GNB5: variants seen among roughly 807,000 people sequenced by gnomAD.
GNB5 encodes the protein guanine nucleotide-binding protein subunit beta-5.
In GNB5, 37 loss-of-function variants were observed where a neutral mutation model predicts 55.3. The observed-to-expected ratio is 0.67, with a 90% CI of 0.51 to 0.88. GNB5 has a LOEUF of 0.88. GNB5 is among the 40% of genes least tolerant of loss of function. GNB5 has a pLI of 0.00. For missense variants in GNB5, 476 were observed against 515.3 expected (o/e 0.92, Z 0.74); for synonymous variants, 219 against 198.5 (o/e 1.10, Z -0.87).
rs2033203394 is a variant in GNB5 at position 52,119,172 on chromosome 15, G to A, written c.*3585C>T. The A allele has an allele frequency of 7.1e-6, 1 of 141,836 alleles. No homozygotes were observed. The highest frequency in any genetic ancestry group is 1.5e-5 in the Non-Finnish European group (1 of 65,696). 8.8% of individuals were successfully genotyped at this position (141,836 alleles called of 1,614,324 possible). On this transcript the variant is annotated 3_prime_UTR_variant, in exon 13 of 13. Coordinates refer to ENST00000261837, the MANE Select transcript of GNB5 (RefSeq NM_016194.4). ...GTGGAACAGGGAGACAGAGGAAGAG[G>A]AGATGAGGAATGGGGGAAGATTGAG... is the stretch of plus-strand genomic sequence containing the variant.
At chr15:52,184,810 A>G in intron 1 of GNB5, 116 bp from the exon 2 acceptor site, 1 of 691,352 alleles carries the variant, frequency 1.4e-6, no homozygotes, top group Non-Finnish European at 2.4e-6. Context: ...TGTGGGATAG[A>G]GTATATGCAG....
At chr15:52,135,952 A>G (rs916274813) in intron 7 of GNB5, 196 bp from the exon 8 acceptor site, 1 of 551,702 alleles carries the variant, frequency 1.8e-6, no homozygotes, top group East Asian at 3.4e-5. Context: ...AAAGAAGGAA[A>G]GAGTGCATTT....
intron 7 of GNB5, chr15:52,138,725 T>G (rs1222729084): frequency 2.0e-5 from 3 of 152,198 alleles, no homozygotes; most frequent in Non-Finnish European, 1.5e-5. Context: ...CAGTTTATTT[T>G]GAGACACCAG....
At chr15:52,186,533 G>A (rs990281342) in intron 1 of GNB5, among the ~76,000 whole-genome samples, 1 of 152,170 alleles carries the variant, frequency 6.6e-6, no homozygotes, top group Non-Finnish European at 1.5e-5. Context: ...AGATTTCTTT[G>A]GGAGACCGAG....
chr15:52,165,041 A>G (rs2034423118), intron 3 of GNB5, among the ~76,000 whole-genome samples: 1 of 152,250 alleles, frequency 6.6e-6, no homozygotes, highest in Non-Finnish European at 1.5e-5. Context: ...GCTGAAAGAT[A>G]CAACATAAGA....
rs1015331775 is a variant in GNB5 at position 52,137,961 on chromosome 15, G to C, written c.628-2205C>G. The C allele has an allele frequency of 3.9e-5, 50 of 1,286,954 alleles. 1 individual carries two copies. The highest frequency in any genetic ancestry group is 1.8e-4 in the Admixed American group (8 of 43,530). The allele number at this position is 1,286,954 out of a possible 1,614,324, so 79.7% of individuals were successfully genotyped here. On this transcript the variant is annotated intron_variant, in intron 7 of 12. Transcript: ENST00000261837. ...TACTGATGGCTGAGGAAAGAAAAGAGGAATCAGGCCTTATGCACCGCTAGC... is the reference window on the plus strand; with the variant it reads ...TACTGATGGCTGAGGAAAGAAAAGACGAATCAGGCCTTATGCACCGCTAGC...
At chr15:52,187,380 A>T (rs1365541794) in intron 1 of GNB5, among the ~76,000 whole-genome samples, 1 of 152,020 alleles carries the variant, frequency 6.6e-6, no homozygotes, top group Admixed American at 6.5e-5. Context: ...GAGAGAAGGG[A>T]CGGCAGGAAA....
chr15:52,185,291 G>A (rs1484936582), intron 1 of GNB5, among the ~76,000 whole-genome samples: 1 of 152,248 alleles, frequency 6.6e-6, no homozygotes, highest in African/African-American at 2.4e-5. Context: ...ACAGGGACAG[G>A]CTCTGGCTGC....
intron 4 of GNB5, among the ~76,000 whole-genome samples, chr15:52,150,561 C>T (rs1208184207): frequency 6.6e-6 from 1 of 152,188 alleles, no homozygotes; most frequent in Non-Finnish European, 1.5e-5. Flanking sequence ...GAACAACATG[C>T]GATATGCACC....
At position 52,175,591 on chromosome 15, in the gene GNB5, T is replaced by C. The variant is rs1189701959; in HGVS notation, c.238+4177A>G. Among the ~76,000 whole-genome samples the C allele has an allele frequency of 1.1e-4, 16 of 151,690 alleles. 1 individual carries two copies. Among genetic ancestry groups the C allele is most frequent in the Non-Finnish European group, 2.9e-5 (2 of 67,924 alleles). On this transcript the variant is annotated intron_variant, in intron 3 of 12. Transcript: ENST00000261837. ...CGGTCTCCACTAAAAATACAAAAAT[T>C]AGCCAGGCATGGTGGCACATGCCTG...
At chr15:52,127,796 A>G (rs147125001) in intron 10 of GNB5, among the ~76,000 whole-genome samples, 3 of 146,724 alleles carry the variant, frequency 2.0e-5, no homozygotes, top group Non-Finnish European at 4.4e-5. Context: ...AAAAACACTT[A>G]TAGTAGTGTT....
At chr15:52,151,008 G>C (rs1440859306) in intron 4 of GNB5, among the ~76,000 whole-genome samples, 1 of 152,232 alleles carries the variant, frequency 6.6e-6, no homozygotes, top group South Asian at 2.1e-4. Flanking sequence ...ATAGCTGCTT[G>C]CTTTGCATGA....
chr15:52,132,201 A>G (rs1474038560), intron 9 of GNB5, among the ~76,000 whole-genome samples: 2 of 152,196 alleles, frequency 1.3e-5, no homozygotes, highest in Admixed American at 6.5e-5. Flanking sequence ...GGCTACTGCC[A>G]TTGCTGTGAG....
intron 2 of GNB5, among the ~76,000 whole-genome samples, chr15:52,182,867 G>A (rs1050841238): frequency 1.5e-4 from 23 of 152,196 alleles, no homozygotes; most frequent in African/African-American, 5.5e-4. Flanking sequence ...GTAAGATTGT[G>A]TGGGCCGGGC....
chr15:52,187,301 G>A (rs887782031), intron 1 of GNB5, among the ~76,000 whole-genome samples: 11 of 152,172 alleles, frequency 7.2e-5, no homozygotes, highest in Non-Finnish European at 1.5e-4. Context: ...AGGCTGTTAA[G>A]CAAGGGAGCA....
At position 52,128,426 on chromosome 15, in the gene GNB5, GT is replaced by G. The variant is rs1237921006; in HGVS notation, c.864-183del. On this transcript the variant is annotated intron_variant, in intron 9 of 12. Transcript: ENST00000261837. ...TGATCTCTAGTTTTCTTCCCTGTTA[GT>G]GGGGGACAGTGACACTGGCCTTGCA... is the stretch of plus-strand genomic sequence containing the variant. 21 of 621,908 alleles carry G rather than the reference GT, an allele frequency of 3.4e-5. No individual in the cohort carries two copies. The African/African-American group carries it at 3.5e-4, about 10-fold the overall frequency. The allele number at this position is 621,908 out of a possible 1,614,324, so 38.5% of individuals were successfully genotyped here.
Position 52,122,734 on chromosome 15 carries a change from A to G in GNB5, c.*23T>C, listed in dbSNP as rs1407323696. On this transcript the variant is annotated 3_prime_UTR_variant, in exon 13 of 13. Transcript: ENST00000261837. The stretch of plus-strand genomic sequence containing the variant: ...GAAGATTTCAAATTCTCAGGTATAC[A>G]TGAGTGCACTGTCAGAAGATGATTA... 2.6e-6 allele frequency: 4 copies of G among 1,564,496 alleles called. No individual in the cohort carries two copies. Among genetic ancestry groups the G allele is most frequent in the South Asian group, 2.2e-5 (2 of 90,118 alleles).
chr15:52,154,937 G>C (rs189936873), intron 3 of GNB5, among the ~76,000 whole-genome samples: 1 of 152,318 alleles, frequency 6.6e-6, no homozygotes, highest in Admixed American at 6.5e-5. Context: ...GGCTTTCTAG[G>C]GGCTTGCAGA....
At chr15:52,142,882 C>T (rs1317078789) in intron 6 of GNB5, among the ~76,000 whole-genome samples, 2 of 152,020 alleles carry the variant, frequency 1.3e-5, no homozygotes, top group Non-Finnish European at 2.9e-5. Flanking sequence ...AGGCTGGGCA[C>T]GGTGGCTCAC....
Sources: gnomAD v4.1 joint callset for allele counts (sites outside exome capture counted in the v4.1 genomes callset) on GRCh38, gnomAD v4.1.1 for gene constraint, MANE v1.5 for transcripts, NCBI Gene and HGNC (gene_info 2026-07-23, HGNC 2026-07-21) for gene names.